Variants in SVEP1 observed in about 807,000 individuals in gnomAD.
SVEP1 encodes the protein sushi, von Willebrand factor type A, EGF and pentraxin domain-containing protein 1.
Under a neutral mutation model 367.3 loss-of-function variants are expected in SVEP1, and 164 were observed. The ratio of observed to expected loss-of-function variants is 0.45; its 90% CI spans 0.39 to 0.51. The LOEUF is 0.51. SVEP1 is among the 20% of genes least tolerant of loss of function. SVEP1 has a pLI of 0.00. For missense variants in SVEP1, 4,117 were observed against 4,425.3 expected (o/e 0.93, Z 1.98); for synonymous variants, 1,666 against 1,611.6 (o/e 1.03, Z -0.81).
chr9:110,426,984 G>A (rs1026614014), intron 36 of SVEP1, among the ~76,000 whole-genome samples: 3 of 151,954 alleles, frequency 2.0e-5, no homozygotes, highest in African/African-American at 4.8e-5. Context: ...ATACACGAAC[G>A]CTCACTTAAA....
intron 26 of SVEP1, among the ~76,000 whole-genome samples, chr9:110,444,006 G>T (rs1162557683): frequency 1.3e-5 from 2 of 152,172 alleles, no homozygotes; most frequent in African/African-American, 4.8e-5. Flanking sequence ...CAATTTGAGA[G>T]AATTTACCAA....
At chr9:110,446,809 C>T (rs1011336272) in intron 25 of SVEP1, 91 bp downstream of exon 25, 86 of 1,210,164 alleles carry the variant, frequency 7.1e-5, no homozygotes, top group South Asian at 4.1e-4. Flanking sequence ...TTTTGGCCTA[C>T]GGACACTGCT....
intron 40 of SVEP1, 75 bp from the exon 41 acceptor site, chr9:110,389,662 C>G: frequency 6.5e-7 from 1 of 1,550,186 alleles, no homozygotes; most frequent in Middle Eastern, 1.7e-4. Context: ...GCAAAGTAAT[C>G]TTAGCTATGG....
chr9:110,545,245 T>C (rs1830205524), intron 3 of SVEP1, among the ~76,000 whole-genome samples: 1 of 152,242 alleles, frequency 6.6e-6, no homozygotes, highest in Non-Finnish European at 1.5e-5. Context: ...CAAATATCTC[T>C]TTGACATACT....
chr9:110,387,326 G>C lies in SVEP1; in HGVS notation c.10019C>G (p.Thr3340Arg). ...TGGGTGGCTCCAGGTTCCATTTTCTGTGCAGTGTGCCTCAGATGGCCCTTC... is the reference window on the plus strand; with the variant it reads ...TGGGTGGCTCCAGGTTCCATTTTCTCTGCAGTGTGCCTCAGATGGCCCTTC... Reference protein sequence around the residue: ...SLEGPSEAHCTENGTWSHPVP... With the variant: ...SLEGPSEAHCRENGTWSHPVP... The change falls in exon 42 of 48, where the codon ACA (threonine) becomes AGA (arginine). Residue 3340 changes from threonine to arginine, a missense_variant. Thr to Arg is a moderately conservative substitution (Grantham distance 71). Coordinates refer to ENST00000374469, the MANE Select transcript of SVEP1 (RefSeq NM_153366.4). 6.2e-6 allele frequency: 10 copies of C among 1,611,480 alleles called. No individual in the cohort carries two copies. Among genetic ancestry groups the C allele is most frequent in the Non-Finnish European group, 8.5e-6 (10 of 1,179,342 alleles).
chr9:110,379,646 A>G, intron 43 of SVEP1, 129 bp from the exon 44 acceptor site: 1 of 911,278 alleles, frequency 1.1e-6, no homozygotes, highest in Non-Finnish European at 1.6e-6. Flanking sequence ...CTACTTATCT[A>G]GAATAGTAAG....
chr9:110,408,892 C>T lies in SVEP1; in HGVS notation c.6708G>A (p.Lys2236=). The T allele has an allele frequency of 6.2e-7, 1 of 1,612,608 alleles. No individual in the cohort carries two copies. The highest frequency in any genetic ancestry group is 1.1e-5 in the South Asian group (1 of 90,832). The change falls in exon 38 of 48, where the codon AAG becomes AAA. Residue 2236 remains lysine, a synonymous_variant. Transcript: ENST00000374469. ...EVRYQCNPGY[K]SVGSPVFVCQ... ...AGACAAATACAGGACTTCCGACTGACTTATAGCCCGGGTTACACTGATACC... is the reference window on the plus strand; with the variant it reads ...AGACAAATACAGGACTTCCGACTGATTTATAGCCCGGGTTACACTGATACC...
chr9:110,409,234 G>A (rs775108029), intron 37 of SVEP1, among the ~76,000 whole-genome samples: 1 of 152,092 alleles, frequency 6.6e-6, no homozygotes, highest in Non-Finnish European at 1.5e-5. Flanking sequence ...TTAGGAGTTC[G>A]AGACCAGCCT....
intron 44 of SVEP1, among the ~76,000 whole-genome samples, chr9:110,378,584 C>A (rs1827386840): frequency 1.3e-5 from 2 of 152,102 alleles, no homozygotes; most frequent in African/African-American, 2.4e-5. Flanking sequence ...TTTTGCTGTG[C>A]AGAAGCTCTT....
At chr9:110,377,417 G>A (rs1407923677) in intron 44 of SVEP1, 51 bp from the exon 45 acceptor site, 21 of 1,553,136 alleles carry the variant, frequency 1.4e-5, no homozygotes, top group Non-Finnish European at 1.8e-5. Flanking sequence ...TGAAGGGAAG[G>A]AGTCAGAAAA....
At chr9:110,427,006 C>T (rs958535389) in intron 36 of SVEP1, among the ~76,000 whole-genome samples, 3 of 152,042 alleles carry the variant, frequency 2.0e-5, no homozygotes, top group African/African-American at 7.2e-5. Context: ...GTACTTTTTG[C>T]ATCTTAGTAG....
rs1486095645 is a variant in SVEP1, at chr9:110,499,136, C to T, written c.1586G>A (p.Cys529Tyr). The stretch of plus-strand genomic sequence containing the variant: ...TCCAGATAAAATGAACCCTTGGCGG[C>T]AACTTACATAGCAGATCGTCCCAAA... The part of the protein sequence containing the change: ...AKFGTICYVS[C>Y]RQGFILSGVK... Residue 529 changes from cysteine to tyrosine, a missense_variant, in exon 7 of 48, where the codon TGC (cysteine) becomes TAC (tyrosine). By Grantham distance (194) the Cys-to-Tyr change is radical. Coordinates refer to ENST00000374469, the MANE Select transcript of SVEP1 (RefSeq NM_153366.4). The T allele has an allele frequency of 6.2e-7, 1 of 1,613,656 alleles. No individual in the cohort carries two copies. Among genetic ancestry groups the T allele is most frequent in the Non-Finnish European group, 8.5e-7 (1 of 1,179,810 alleles).
rs774032315 is a variant in SVEP1, at chr9:110,468,956, G to T, written c.3144C>A (p.Asn1048Lys). 6.3e-7 allele frequency: 1 copy of T among 1,595,868 alleles called. No homozygotes were observed. Among genetic ancestry groups the T allele is most frequent in the Non-Finnish European group, 8.5e-7 (1 of 1,169,686 alleles). The change falls in exon 17 of 48, where the codon AAC (asparagine) becomes AAA (lysine). Residue 1048 changes from asparagine to lysine, a missense_variant. Asn to Lys is a moderately conservative substitution (Grantham distance 94). This residue lies in a region of SVEP1 where 2,174 missense variants were observed against 2,494.3 expected (regional missense o/e 0.87). Coordinates refer to ENST00000374469, the MANE Select transcript of SVEP1 (RefSeq NM_153366.4). ...AGCCTCTACCTTTACAATCAGAGAT[G>T]TTTCTTGAATGGATATATTCCGTGT... ...GMYTEYIHSR[N>K]ISDCKAQCKQ...
At chr9:110,511,058 A>C (rs527996643) in intron 5 of SVEP1, among the ~76,000 whole-genome samples, 1 of 152,224 alleles carries the variant, frequency 6.6e-6, no homozygotes, top group Non-Finnish European at 1.5e-5. Context: ...CCTAAGGCTA[A>C]TCTGATTCTT....
Position 110,366,523 on chromosome 9 carries a change from G to A in SVEP1, c.*16C>T. 6.5e-7 allele frequency: 1 copy of A among 1,549,290 alleles called. No homozygotes were observed. The highest frequency in any genetic ancestry group is 8.7e-7 in the Non-Finnish European group (1 of 1,150,336). ...GATGATCCTGCTTTTGGGAGAGCCA[G>A]ATGGTCGTGCAGTGGTTAAAACCCA... On this transcript the variant is annotated 3_prime_UTR_variant, in exon 48 of 48. Transcript: ENST00000374469.
intron 43 of SVEP1, among the ~76,000 whole-genome samples, chr9:110,380,410 G>A (rs911195378): frequency 6.6e-6 from 1 of 152,098 alleles, no homozygotes; most frequent in African/African-American, 2.4e-5. Flanking sequence ...AAATTTGTAT[G>A]ATTTTTCTAA....
intron 36 of SVEP1, among the ~76,000 whole-genome samples, chr9:110,423,617 A>C (rs920583589): frequency 3.9e-5 from 6 of 151,976 alleles, no homozygotes; most frequent in African/African-American, 7.2e-5. Context: ...TAAGCCTGAC[A>C]AAAAAAATCC....
chr9:110,441,393 C>G (rs1219430961), intron 27 of SVEP1, among the ~76,000 whole-genome samples: 1 of 152,210 alleles, frequency 6.6e-6, no homozygotes, highest in African/African-American at 2.4e-5. Flanking sequence ...TTATAAATCA[C>G]CCTTGCTCCC....
At chr9:110,497,934 T>C (rs369090252) in intron 7 of SVEP1, among the ~76,000 whole-genome samples, 17 of 151,496 alleles carry the variant, frequency 1.1e-4, no homozygotes, top group African/African-American at 4.1e-4. Context: ...GACAACTCTC[T>C]CCCACAGGAA....
Sources: allele counts gnomAD v4.1 joint callset (sites outside exome capture counted in the v4.1 genomes callset), GRCh38; gene constraint gnomAD v4.1.1; regional missense constraint gnomAD v4.1.1; transcripts MANE v1.5; gene names NCBI Gene and HGNC (gene_info 2026-07-23, HGNC 2026-07-21).